Variants in SLC45A3 observed in about 807,000 individuals in gnomAD.
The protein encoded by SLC45A3 is prostate cancer associated protein 2.
In SLC45A3, 17 loss-of-function variants were observed where a neutral mutation model predicts 35.3. The ratio of observed to expected loss-of-function variants is 0.48; its 90% CI spans 0.33 to 0.72. The LOEUF is 0.72. Among genes scored for constraint, SLC45A3 ranks in the 30% least tolerant of loss-of-function variants. The pLI, the probability that SLC45A3 is intolerant of heterozygous loss-of-function variation, is 0.02. For synonymous variants in SLC45A3, 288 were observed against 334.3 expected, an observed-to-expected ratio of 0.86 and a Z score of 1.51; for missense variants, 597 against 731.7, an observed-to-expected ratio of 0.82 and a Z score of 2.12.
In SLC45A3 at chr1:205,659,616, A is replaced by T. The variant is rs1232650782; in HGVS notation, c.1280T>A (p.Leu427Gln). 3.9e-6 allele frequency: 6 copies of T among 1,555,468 alleles called. No individual in the cohort carries two copies. The highest frequency in any genetic ancestry group is 2.0e-5 in the Admixed American group (1 of 51,104). Residue 427 changes from leucine to glutamine, a missense_variant, in exon 5 of 5, where the codon CTG becomes CAG. Leu to Gln is a moderately radical substitution (Grantham distance 113). Around this residue, in one of 3 missense-constraint regions of SLC45A3, gnomAD observed 555 missense variants for 664.9 expected, o/e 0.83. Transcript: ENST00000367145. This position sits in a 1 kb window ranked among gnomAD's most constrained non-coding sequence, Gnocchi z 5.8. ...DTGGASSEDS[L>Q]MTSFLPGPKP... ...AGGGCCTGGCAGGAAGCTGGTCATC[A>T]GGCTGTCCTCACTGCTAGCACCTCC...
Position 205,662,212 on chromosome 1 carries a change from T to C in SLC45A3, c.959-86A>G. 6.7e-7 allele frequency: 1 copy of C among 1,499,532 alleles called. No homozygotes were observed. Among genetic ancestry groups the C allele is most frequent in the Non-Finnish European group, 8.9e-7 (1 of 1,122,702 alleles). The allele number at this position is 1,499,532 out of a possible 1,614,324, so 92.9% of individuals were successfully genotyped here. On this transcript the variant is annotated intron_variant, in intron 3 of 4. Transcript: ENST00000367145. The surrounding 1 kb of genome is among the most constrained non-coding windows in gnomAD (Gnocchi z 6.2). ...GGAGATGAGAAGGCGGAACCACAGG[T>C]ACCTGCTGCACGAGACCTGCTGTGG...
chr1:205,670,450 A>C (rs1254701503), intron 1 of SLC45A3, among the ~76,000 whole-genome samples: 1 of 152,212 alleles, frequency 6.6e-6, no homozygotes, highest in East Asian at 1.9e-4. Flanking sequence ...CAGGGCTCCC[A>C]GGGGAACCTG....
At position 205,669,784 on chromosome 1, in the gene SLC45A3, C is replaced by T. The variant is rs146952903; in HGVS notation, c.-230-4898G>A. Among the ~76,000 whole-genome samples, 1,039 of 152,326 alleles carry T rather than the reference C, an allele frequency of 6.8e-3. 11 individuals carry two copies. The highest frequency in any genetic ancestry group is 0.022 in the African/African-American group (909 of 41,576). Reference sequence around the variant, plus strand: ...CAGCCCTCCCCACAGAAGGGGAAATCGGGGGCTGGTGAGGCACGAGGAATA... The same window carrying T: ...CAGCCCTCCCCACAGAAGGGGAAATTGGGGGCTGGTGAGGCACGAGGAATA... On this transcript the variant is annotated intron_variant, in intron 1 of 4. Transcript: ENST00000367145. This position sits in a 1 kb window ranked among gnomAD's most constrained non-coding sequence, Gnocchi z 4.1.
Position 205,659,299 on chromosome 1 carries a change from C to T in SLC45A3, c.1597G>A (p.Val533Ile). Residue 533 changes from valine to isoleucine, a missense_variant, in exon 5 of 5, where the codon GTC becomes ATC. Val to Ile is a conservative substitution (Grantham distance 29). Coordinates refer to ENST00000367145, the MANE Select transcript of SLC45A3 (RefSeq NM_033102.3). This position sits in a 1 kb window ranked among gnomAD's most constrained non-coding sequence, Gnocchi z 5.8. ...YMVSAAGLGL[V>I]AIYFATQVVF... is the part of the protein sequence containing the mutation. ...ACCTGTGTAGCAAAGTAAATGGCGA[C>T]CAGACCCAGGCCTGCGGCAGACACC... 1 of 1,614,170 alleles carries T rather than the reference C, an allele frequency of 6.2e-7. No individual in the cohort carries two copies. Among genetic ancestry groups the T allele is most frequent in the East Asian group, 2.2e-5 (1 of 44,874 alleles).
rs756086521 is a variant in SLC45A3 at position 205,659,439 on chromosome 1, C to T, written c.1457G>A (p.Arg486Gln). 2.4e-5 allele frequency: 38 copies of T among 1,613,914 alleles called. No individual in the cohort carries two copies. The highest frequency in any genetic ancestry group is 1.2e-4 in the Admixed American group (7 of 59,998). ...GATGGCGAGGTCCAGGCAGATGCCC[C>T]GGCCCGGAACCACCCTGGCCTCGGT... is the stretch of plus-strand genomic sequence containing the variant. Reference protein sequence around the residue: ...EPTEARVVPGRGICLDLAILD... With the variant: ...EPTEARVVPGQGICLDLAILD... Residue 486 changes from arginine (R) to glutamine (Q), a missense_variant, in exon 5 of 5, where the codon CGG (arginine) becomes CAG (glutamine). Physicochemically the swap from Arg to Gln is conservative, Grantham distance 43. Around this residue, in one of 3 missense-constraint regions of SLC45A3, gnomAD observed 555 missense variants for 664.9 expected, o/e 0.83. Transcript: ENST00000367145. The surrounding 1 kb of genome is among the most constrained non-coding windows in gnomAD (Gnocchi z 5.8).
In SLC45A3 at chr1:205,664,438, G is replaced by A. The variant is rs772389006; in HGVS notation, c.172+47C>T. 43 of 1,601,796 alleles carry A rather than the reference G, an allele frequency of 2.7e-5. No homozygotes were observed. The highest frequency in any genetic ancestry group is 3.5e-5 in the Non-Finnish European group (41 of 1,171,160). On this transcript the variant is annotated intron_variant, in intron 2 of 4. Coordinates refer to ENST00000367145, the MANE Select transcript of SLC45A3 (RefSeq NM_033102.3). This position sits in a 1 kb window ranked among gnomAD's most constrained non-coding sequence, Gnocchi z 5.3. The stretch of plus-strand genomic sequence containing the variant: ...AGAGGTACTCCTGTCCCACATGCCA[G>A]GTGGCATGTATCTGGAACAGGAAGG...
At position 205,664,374 on chromosome 1, in the gene SLC45A3, C is replaced by T; in HGVS notation, c.172+111G>A. 7.0e-7 allele frequency: 1 copy of T among 1,437,646 alleles called. No homozygotes were observed. The highest frequency in any genetic ancestry group is 9.6e-7 in the Non-Finnish European group (1 of 1,046,622). The allele number at this position is 1,437,646 out of a possible 1,614,324, so 89.1% of individuals were successfully genotyped here. ...TCACCCTCCTGCCCAGCAATGCCTT[C>T]CCAGCAGACCACCTCTCCCTCCAAG... is the stretch of plus-strand genomic sequence containing the variant. On this transcript the variant is annotated intron_variant, in intron 2 of 4. Transcript: ENST00000367145. The surrounding 1 kb of genome is among the most constrained non-coding windows in gnomAD (Gnocchi z 5.3).
In SLC45A3 at chr1:205,663,540, C is replaced by T. The variant is rs762101416; in HGVS notation, c.251G>A (p.Arg84His). 24 of 1,612,800 alleles carry T rather than the reference C, an allele frequency of 1.5e-5. No homozygotes were observed. The highest frequency in any genetic ancestry group is 2.2e-5 in the East Asian group (1 of 44,876). ...CAGTGCCCAGATGAAGGGCCGGCGG[C>T]GGCCATAGCGTCCACGCCAGTGGTC... ...ASDHWRGRYG[R>H]RRPFIWALSL... Residue 84 changes from arginine to histidine, a missense_variant, in exon 3 of 5, where the codon CGC becomes CAC. Coordinates refer to ENST00000367145, the MANE Select transcript of SLC45A3 (RefSeq NM_033102.3).
rs1670955201 is a variant in SLC45A3 at position 205,658,063 on chromosome 1, G to A, written c.*1171C>T. The A allele has an allele frequency of 4.4e-6, 1 of 228,672 alleles. No homozygotes were observed. The highest frequency in any genetic ancestry group is 8.7e-6 in the Non-Finnish European group (1 of 115,050). The allele number at this position is 228,672 out of a possible 1,614,324, so 14.2% of individuals were successfully genotyped here. A position where few individuals can be genotyped will look rare whatever the true frequency, so the allele number is the denominator to read the frequency against. On this transcript the variant is annotated 3_prime_UTR_variant, in exon 5 of 5. Transcript: ENST00000367145. ...ATTCCCCAAGCACAGATATACTCTG[G>A]GGGCTGAGATGGACAAAGGCTTGGG...
In SLC45A3 at chr1:205,666,670, G is replaced by C. The variant is rs1671123414; in HGVS notation, c.-230-1784C>G. ...CTGCTCAGACTCACCCTTTGGGATG[G>C]GGCACACGGCCTCCTACGGAGGTGG... On this transcript the variant is annotated intron_variant, in intron 1 of 4. Transcript: ENST00000367145. The surrounding 1 kb of genome is among the most constrained non-coding windows in gnomAD (Gnocchi z 4.1). 6.6e-6 allele frequency among the ~76,000 whole-genome samples: 1 copy of C among 152,222 alleles called. No homozygotes were observed. Among genetic ancestry groups the C allele is most frequent in the South Asian group, 2.1e-4 (1 of 4,832 alleles).
Position 205,659,235 on chromosome 1 carries a change from T to A in SLC45A3, c.1661A>T (p.Ter554LeuextTer49). The A allele has an allele frequency of 6.2e-7, 1 of 1,605,096 alleles. No homozygotes were observed. Reference protein sequence around the residue: ...DKSDLAKYSA* With the variant: ...DKSDLAKYSAL Reference sequence around the variant, plus strand: ...CCACCCCAATGTGCTGGAAGTTTTCTACGCTGAGTATTTGGCCAAGTCGCT... The same window carrying A: ...CCACCCCAATGTGCTGGAAGTTTTCAACGCTGAGTATTTGGCCAAGTCGCT... Residue 554 changes from the stop codon to leucine (L), a stop_lost, in exon 5 of 5, where the codon TAG becomes TTG. Coordinates refer to ENST00000367145, the MANE Select transcript of SLC45A3 (RefSeq NM_033102.3). The surrounding 1 kb of genome is among the most constrained non-coding windows in gnomAD (Gnocchi z 5.8).
chr1:205,676,854 C>T (rs888897128), intron 1 of SLC45A3, among the ~76,000 whole-genome samples: 28 of 152,298 alleles, frequency 1.8e-4, no homozygotes, highest in African/African-American at 4.1e-4. Context: ...TGCTGGGAGT[C>T]GAGTGGCATC....
At position 205,678,181 on chromosome 1, in the gene SLC45A3, G is replaced by A. The variant is rs142783959; in HGVS notation, c.-231+2213C>T. 8.0e-3 allele frequency among the ~76,000 whole-genome samples: 1,225 copies of A among 152,282 alleles called. 6 individuals are homozygous for A. Among genetic ancestry groups the A allele is most frequent in the Middle Eastern group, 0.044 (13 of 294 alleles). On this transcript the variant is annotated intron_variant, in intron 1 of 4. Coordinates refer to ENST00000367145, the MANE Select transcript of SLC45A3 (RefSeq NM_033102.3). ...AAAATACAAAAATTAGCCAGGCATG[G>A]TGGTGGGTGCCTGTAATCCCAGCTA...
chr1:205,658,925 A>G lies in SLC45A3; in HGVS notation c.*309T>C. 2.8e-6 allele frequency: 1 copy of G among 354,096 alleles called. No individual in the cohort carries two copies. The highest frequency in any genetic ancestry group is 5.2e-6 in the Non-Finnish European group (1 of 194,164). 21.9% of individuals were successfully genotyped at this position (354,096 alleles called of 1,614,324 possible). The stretch of plus-strand genomic sequence containing the variant: ...CTAGCTGTTAACCCTGAGCCTGGGT[A>G]ATCCACCTGCAGAGTCCCCGCATTC... On this transcript the variant is annotated 3_prime_UTR_variant, in exon 5 of 5. Coordinates refer to ENST00000367145, the MANE Select transcript of SLC45A3 (RefSeq NM_033102.3).
intron 4 of SLC45A3, among the ~76,000 whole-genome samples, chr1:205,660,093 C>T (rs1352369331): frequency 6.6e-6 from 1 of 152,134 alleles, no homozygotes; most frequent in African/African-American, 2.4e-5. Flanking sequence ...CGCAGGCTCT[C>T]CTAACCTTCC....
At chr1:205,672,225 G>A (rs1011070209) in intron 1 of SLC45A3, among the ~76,000 whole-genome samples, 2 of 151,418 alleles carry the variant, frequency 1.3e-5, no homozygotes, top group African/African-American at 2.4e-5. Context: ...CCTCACCCAC[G>A]TGCCTCCCCC....
In SLC45A3 at chr1:205,676,784, C is replaced by A. The variant is rs761089776; in HGVS notation, c.-231+3610G>T. On this transcript the variant is annotated intron_variant, in intron 1 of 4. Transcript: ENST00000367145. The stretch of plus-strand genomic sequence containing the variant: ...GATGGCTCTGTCACCAGCTGCCCCC[C>A]TCCCCAGCCCAAGCAGGGACACTTA... 6.4e-4 allele frequency among the ~76,000 whole-genome samples: 98 copies of A among 152,288 alleles called. 1 individual carries two copies. The highest frequency in any genetic ancestry group is 9.9e-4 in the Non-Finnish European group (67 of 68,014).
At chr1:205,668,938 A>G (rs1490933547) in intron 1 of SLC45A3, among the ~76,000 whole-genome samples, 1 of 152,292 alleles carries the variant, frequency 6.6e-6, no homozygotes, top group Non-Finnish European at 1.5e-5. Flanking sequence ...GGGCAAGGTC[A>G]GTGAACCTGG....
In SLC45A3 at chr1:205,658,245, G is replaced by A. The variant is rs1313266491; in HGVS notation, c.*989C>T. The A allele has an allele frequency of 4.3e-6, 1 of 232,702 alleles. No individual in the cohort carries two copies. The highest frequency in any genetic ancestry group is 8.5e-6 in the Non-Finnish European group (1 of 117,782). The allele number at this position is 232,702 out of a possible 1,614,324, so 14.4% of individuals were successfully genotyped here. On this transcript the variant is annotated 3_prime_UTR_variant, in exon 5 of 5. Coordinates refer to ENST00000367145, the MANE Select transcript of SLC45A3 (RefSeq NM_033102.3). ...GAGAGAGTAGAGGGGAGTGGAAGTG[G>A]GGGGAACCAGGCTGGGCCAAGAGAA...
Sources: allele counts gnomAD v4.1 joint callset (sites outside exome capture counted in the v4.1 genomes callset), GRCh38; gene constraint gnomAD v4.1.1; regional missense constraint gnomAD v4.1.1; non-coding constraint Gnocchi (gnomAD v3.1); transcripts MANE v1.5; gene names NCBI Gene and HGNC (gene_info 2026-07-23, HGNC 2026-07-21).